The following CCDC93 variants were observed in gnomAD, a reference collection of about 807,000 sequenced individuals.
CCDC93 encodes the protein CCC complex scaffolding subunit CCDC93.
In CCDC93, 61 loss-of-function variants were observed where a neutral mutation model predicts 108.2. That is an observed-to-expected ratio of 0.56 (90% CI 0.46 to 0.70). The LOEUF is 0.70. Among genes scored for constraint, CCDC93 ranks in the 30% least tolerant of loss-of-function variants. The probability of loss-of-function intolerance (pLI) is 0.00; values close to 1 mark genes in which losing one functional copy is unlikely to be tolerated. For missense variants in CCDC93, 685 were observed against 764.2 expected, an observed-to-expected ratio of 0.90 and a Z score of 1.22; for synonymous variants, 276 against 260.4, an observed-to-expected ratio of 1.06 and a Z score of -0.58.
At chr2:118,008,725 C>T (rs1676942372) in intron 1 of CCDC93, 67 bp from the exon 2 acceptor site, 1 of 928,210 alleles carries the variant, frequency 1.1e-6, no homozygotes, top group East Asian at 2.4e-5. Context: ...AGGTATATCC[C>T]CTGATGCCAC....
chr2:117,945,609 C>T, intron 16 of CCDC93, 27 bp from the exon 17 acceptor site: 1 of 1,604,264 alleles, frequency 6.2e-7, no homozygotes, highest in Non-Finnish European at 8.5e-7. Flanking sequence ...ATAATAAACA[C>T]CTCTCCTGAG....
chr2:117,927,163 A>G (rs557440006), intron 23 of CCDC93, among the ~76,000 whole-genome samples: 1 of 152,294 alleles, frequency 6.6e-6, no homozygotes, highest in African/African-American at 2.4e-5. Flanking sequence ...AGTCAATATC[A>G]TACTGAATGG....
intron 11 of CCDC93, among the ~76,000 whole-genome samples, chr2:117,964,032 G>C (rs62161848): frequency 6.6e-6 from 1 of 152,142 alleles, no homozygotes; most frequent in Non-Finnish European, 1.5e-5. Flanking sequence ...GAGTCGATCC[G>C]AATTCAGGAA....
intron 14 of CCDC93, 104 bp downstream of exon 14, chr2:117,949,218 T>C (rs1478167160): frequency 1.3e-6 from 1 of 789,544 alleles, no homozygotes; most frequent in Non-Finnish European, 2.2e-6. Flanking sequence ...GCCAGACCAA[T>C]AGCCTTTGGC....
intron 11 of CCDC93, among the ~76,000 whole-genome samples, chr2:117,964,624 G>T (rs1239071809): frequency 6.6e-6 from 1 of 151,596 alleles, no homozygotes; most frequent in Non-Finnish European, 1.5e-5. Context: ...TTTTTAAGAG[G>T]GTCTCACTCT....
At chr2:117,969,229 T>C (rs1332717377) in intron 11 of CCDC93, among the ~76,000 whole-genome samples, 18 of 152,138 alleles carry the variant, frequency 1.2e-4, no homozygotes. Context: ...TAAGTGGCAA[T>C]GTAGGAGAGG....
intron 23 of CCDC93, among the ~76,000 whole-genome samples, chr2:117,923,655 G>GGCCTGCCT (rs756961154): frequency 1.7e-4 from 23 of 132,412 alleles, no homozygotes; most frequent in Middle Eastern, 9.3e-3. Context: ...AGCACAAGGA[G>GGCCTGCCT]GCCTGCCTGC....
At chr2:117,945,648 T>C in intron 16 of CCDC93, 66 bp from the exon 17 acceptor site, 1 of 1,427,638 alleles carries the variant, frequency 7.0e-7, no homozygotes, top group Non-Finnish European at 9.9e-7. Flanking sequence ...AAGCCAAGGA[T>C]CTAGATGTAG....
intron 23 of CCDC93, among the ~76,000 whole-genome samples, chr2:117,925,927 C>A (rs1194298147): frequency 2.6e-5 from 4 of 152,108 alleles, no homozygotes; most frequent in Non-Finnish European, 4.4e-5. Context: ...TCTCTCAGAC[C>A]ACAGTGCAAT....
intron 13 of CCDC93, chr2:117,949,703 A>AT (rs201940472): frequency 2.9e-5 from 28 of 955,268 alleles, no homozygotes; most frequent in Non-Finnish European, 3.2e-5. Context: ...TTATTCAAAA[A>AT]TTAAAAAAAA....
chr2:118,011,323 G>C (rs114048383), intron 1 of CCDC93, among the ~76,000 whole-genome samples: 3,654 of 152,224 alleles, frequency 0.024, 59 homozygotes, highest in Non-Finnish European at 0.027. Context: ...GAGTGGCGTG[G>C]GGGAGGTGAC....
intron 11 of CCDC93, 148 bp from the exon 12 acceptor site, chr2:117,958,629 C>T (rs1322605585): frequency 1.1e-5 from 7 of 624,184 alleles, no homozygotes; most frequent in African/African-American, 5.5e-5. Context: ...CAAAACCTGG[C>T]GTACAGAAGA....
At position 117,932,563 on chromosome 2, in the gene CCDC93, T is replaced by C. The variant is rs146021991; in HGVS notation, c.1729-1413A>G. The stretch of plus-strand genomic sequence containing the variant: ...CCCTGTGCCCTGCTCTTTCCACAGG[T>C]CTGCATACGGATGCCTGGTGCACAC... On this transcript the variant is annotated intron_variant, in intron 22 of 23. Coordinates refer to ENST00000376300, the MANE Select transcript of CCDC93 (RefSeq NM_019044.5). 7.1e-4 allele frequency among the ~76,000 whole-genome samples: 108 copies of C among 152,290 alleles called. 1 individual carries two copies. Among genetic ancestry groups the C allele is most frequent in the Middle Eastern group, 3.4e-3 (1 of 294 alleles).
At chr2:117,972,621 T>TC (rs60727037) in intron 11 of CCDC93, among the ~76,000 whole-genome samples, 5,451 of 151,740 alleles carry the variant, frequency 0.036, 118 homozygotes, top group Middle Eastern at 0.072. Flanking sequence ...TTTTTTTTTT[T>TC]CTGAAAAACT....
intron 20 of CCDC93, 25 bp from the exon 21 acceptor site, chr2:117,936,764 A>C (rs1433121994): frequency 6.2e-7 from 1 of 1,604,966 alleles, no homozygotes; most frequent in South Asian, 1.1e-5. Flanking sequence ...AAACAAACGA[A>C]ATTATAAGAC....
chr2:117,975,924 G>A (rs905806627), intron 8 of CCDC93, among the ~76,000 whole-genome samples: 2 of 152,150 alleles, frequency 1.3e-5, no homozygotes, highest in Non-Finnish European at 1.5e-5. Context: ...AAATGAACCA[G>A]GTCAAACTCA....
rs984549400 is a variant in CCDC93 at position 117,935,586 on chromosome 2, G to C, written c.1644-7C>G. ...AGCAGGGGAGGCCATGGCCCTGAAA[G>C]AAAAACCAGTAGAGTTATGACCGGC... On this transcript the variant is annotated splice_polypyrimidine_tract_variant and splice_region_variant and intron_variant, in intron 21 of 23. Transcript: ENST00000376300. The C allele has an allele frequency of 6.2e-7, 1 of 1,608,156 alleles. No individual in the cohort carries two copies. The highest frequency in any genetic ancestry group is 8.5e-7 in the Non-Finnish European group (1 of 1,174,860).
intron 18 of CCDC93, 68 bp downstream of exon 18, chr2:117,943,956 G>T: frequency 9.3e-7 from 1 of 1,071,040 alleles, no homozygotes; most frequent in Non-Finnish European, 1.4e-6. Context: ...AGACTTTCTA[G>T]TTATGTCATA....
chr2:117,941,268 C>T lies in CCDC93; in HGVS notation c.1443G>A (p.Leu481=). ...TAGGGACTTCATCAATCTTGCGGTG[C>T]AAAATTGCTATTTCTCGATTTCTTC... ...QARRNREIAI[L]HRKIDEVPSR... The change falls in exon 19 of 24, where the codon TTG becomes TTA. Residue 481 remains leucine (L), a synonymous_variant. Transcript: ENST00000376300. The T allele has an allele frequency of 6.2e-7, 1 of 1,613,968 alleles. No individual in the cohort carries two copies. The highest frequency in any genetic ancestry group is 8.5e-7 in the Non-Finnish European group (1 of 1,179,900).
Sources: gnomAD v4.1 joint callset for allele counts (sites outside exome capture counted in the v4.1 genomes callset) on GRCh38, gnomAD v4.1.1 for gene constraint, MANE v1.5 for transcripts, NCBI Gene and HGNC (gene_info 2026-07-23, HGNC 2026-07-21) for gene names.